Variants in CCSER1 observed in about 807,000 individuals in gnomAD.
The protein encoded by CCSER1 is serine-rich coiled-coil domain-containing protein 1.
Under a neutral mutation model 82.0 loss-of-function variants are expected in CCSER1, and 41 were observed. The ratio of observed to expected loss-of-function variants is 0.50; its 90% CI spans 0.39 to 0.65. CCSER1 has a LOEUF of 0.65. Among genes scored for constraint, CCSER1 ranks in the 30% least tolerant of loss-of-function variants. CCSER1 has a pLI of 0.00. For synonymous variants in CCSER1, 414 were observed against 383.9 expected (o/e 1.08, Z -0.92); for missense variants, 1,119 against 1,064.2 (o/e 1.05, Z -0.72).
chr4:91,474,258 C>T (rs967841639), intron 10 of CCSER1, among the ~76,000 whole-genome samples: 1 of 151,690 alleles, frequency 6.6e-6, no homozygotes, highest in Non-Finnish European at 1.5e-5. Context: ...TATAACACCA[C>T]AAAATGGATA....
intron 9 of CCSER1, among the ~76,000 whole-genome samples, chr4:91,021,818 C>G (rs1561478019): frequency 6.6e-6 from 1 of 151,964 alleles, no homozygotes; most frequent in Non-Finnish European, 1.5e-5. Flanking sequence ...AAGCAAAGCA[C>G]ACTTTTTTTA....
intron 10 of CCSER1, among the ~76,000 whole-genome samples, chr4:91,129,160 G>T (rs948390591): frequency 1.3e-5 from 2 of 151,958 alleles, no homozygotes; most frequent in Non-Finnish European, 2.9e-5. Flanking sequence ...TTTATTAAGA[G>T]CTTTGCCTAG....
intron 6 of CCSER1, among the ~76,000 whole-genome samples, chr4:90,636,173 C>T (rs1249098612): frequency 4.0e-5 from 6 of 151,810 alleles, no homozygotes; most frequent in Non-Finnish European, 8.8e-5. Context: ...TTACAAAGAA[C>T]ATTATGGCAA....
intron 10 of CCSER1, among the ~76,000 whole-genome samples, chr4:91,479,700 T>C (rs1037454955): frequency 9.4e-6 from 1 of 106,402 alleles, no homozygotes; most frequent in African/African-American, 2.9e-5. Context: ...TCTTTTTTTT[T>C]TCTTTTTTTT....
Position 90,861,929 on chromosome 4 carries a change from T to A in CCSER1, c.2094+46084T>A, listed in dbSNP as rs1382622075. Among the ~76,000 whole-genome samples, 31 of 114,660 alleles carry A rather than the reference T, an allele frequency of 2.7e-4. No homozygotes were observed. The East Asian group carries it at 4.4e-3, about 16-fold the overall frequency. 75.2% of individuals were successfully genotyped at this position (114,660 alleles called of 152,430 possible). ...TCATATATATATATATATATATATT[T>A]TTTTTTTCTGTTAGACTAGTGTTGA... is the stretch of plus-strand genomic sequence containing the variant. On this transcript the variant is annotated intron_variant, in intron 8 of 10. Transcript: ENST00000509176.
chr4:90,918,793 A>G (rs1727926954), intron 8 of CCSER1, among the ~76,000 whole-genome samples: 1 of 151,696 alleles, frequency 6.6e-6, no homozygotes, highest in Admixed American at 6.6e-5. Context: ...ACACACACGG[A>G]GTTCACATAT....
intron 8 of CCSER1, among the ~76,000 whole-genome samples, chr4:90,885,688 T>C (rs1156971809): frequency 6.6e-6 from 1 of 152,118 alleles, no homozygotes; most frequent in Non-Finnish European, 1.5e-5. Context: ...TGAAAAAATA[T>C]GATCAGTGCT....
At chr4:90,155,078 T>C (rs1727794474) in intron 1 of CCSER1, among the ~76,000 whole-genome samples, 1 of 152,196 alleles carries the variant, frequency 6.6e-6, no homozygotes. Context: ...TATTGACAGT[T>C]TTTAGCATGA....
intron 9 of CCSER1, among the ~76,000 whole-genome samples, chr4:90,949,432 A>C (rs1251851006): frequency 6.6e-6 from 1 of 152,114 alleles, no homozygotes; most frequent in Non-Finnish European, 1.5e-5. Flanking sequence ...AAAAATCAGA[A>C]CATAATACGG....
chr4:90,971,752 A>C (rs1212441146), intron 9 of CCSER1, among the ~76,000 whole-genome samples: 1 of 151,952 alleles, frequency 6.6e-6, no homozygotes, highest in South Asian at 2.1e-4. Flanking sequence ...ACATAGATGT[A>C]AAAGTCCTTT....
At chr4:91,345,049 C>A (rs1244789365) in intron 10 of CCSER1, among the ~76,000 whole-genome samples, 1 of 152,054 alleles carries the variant, frequency 6.6e-6, no homozygotes, top group Non-Finnish European at 1.5e-5. Context: ...GTGCTATGTT[C>A]CTTGAAGAAG....
chr4:90,338,348 A>G (rs1312153609), intron 3 of CCSER1, among the ~76,000 whole-genome samples: 1 of 152,142 alleles, frequency 6.6e-6, no homozygotes, highest in East Asian at 1.9e-4. Context: ...TGTTGTTTTC[A>G]ATTTTCTTTT....
chr4:90,180,225 CA>C (rs1733479851), intron 1 of CCSER1, among the ~76,000 whole-genome samples: 3 of 151,624 alleles, frequency 2.0e-5, no homozygotes, highest in Non-Finnish European at 4.4e-5. Context: ...CTTCTAACTG[CA>C]GACAGTTTTT....
chr4:90,416,703 T>C (rs903308914), intron 4 of CCSER1, among the ~76,000 whole-genome samples: 1 of 152,226 alleles, frequency 6.6e-6, no homozygotes, highest in Non-Finnish European at 1.5e-5. Flanking sequence ...TTATCATTAT[T>C]ATAAATTATT....
intron 9 of CCSER1, among the ~76,000 whole-genome samples, chr4:91,026,245 A>T (rs891457485): frequency 2.0e-5 from 3 of 152,044 alleles, no homozygotes; most frequent in Admixed American, 2.0e-4. Context: ...AAACTTTGCC[A>T]TTGTTCCTTT....
chr4:91,441,362 A>G (rs982153217), intron 10 of CCSER1, among the ~76,000 whole-genome samples: 6 of 152,322 alleles, frequency 3.9e-5, no homozygotes, highest in African/African-American at 1.4e-4. Flanking sequence ...AGAACCAAAG[A>G]CAAAAACCAC....
At chr4:91,537,485 A>G (rs1167819405) in intron 10 of CCSER1, among the ~76,000 whole-genome samples, 3 of 152,090 alleles carry the variant, frequency 2.0e-5, no homozygotes, top group Non-Finnish European at 2.9e-5. Context: ...TTTTTTAAAT[A>G]GGAAACAGCA....
intron 10 of CCSER1, among the ~76,000 whole-genome samples, chr4:91,314,342 G>T (rs564681550): frequency 6.6e-6 from 1 of 151,988 alleles, no homozygotes; most frequent in South Asian, 2.1e-4. Context: ...ACTTTGCACT[G>T]TTCTTCTGAT....
At chr4:91,481,565 G>A (rs771160188) in intron 10 of CCSER1, among the ~76,000 whole-genome samples, 4 of 152,080 alleles carry the variant, frequency 2.6e-5, no homozygotes, top group Non-Finnish European at 2.9e-5. Context: ...ACACATTTTA[G>A]TGAGACACAA....
Sources: allele counts gnomAD v4.1 joint callset (sites outside exome capture counted in the v4.1 genomes callset), GRCh38; gene constraint gnomAD v4.1.1; transcripts MANE v1.5; gene names NCBI Gene and HGNC (gene_info 2026-07-23, HGNC 2026-07-21).